The following YPEL2 variants were observed in gnomAD, a reference collection of about 807,000 sequenced individuals.
YPEL2 encodes yippee like 2, also known as protein yippee-like 2.
YPEL2 carries 2 observed loss-of-function variants against 19.1 expected under a neutral mutation model. The ratio of observed to expected loss-of-function variants is 0.10; its 90% confidence interval spans 0.04 to 0.33. The LOEUF (loss-of-function observed/expected upper bound fraction) is 0.33, where lower values mean the gene tolerates loss of function less well. Ranked by LOEUF, YPEL2 falls within the 10% of genes least tolerant of loss-of-function variation. The pLI, the probability that YPEL2 is intolerant of heterozygous loss-of-function variation, is 1.00. For synonymous variants in YPEL2, 52 were observed against 50.0 expected (o/e 1.04, Z -0.17); for missense variants, 66 against 140.7 (o/e 0.47, Z 2.68).
chr17:59,395,732 G>A (rs892602736), intron 4 of YPEL2, among the ~76,000 whole-genome samples: 1 of 152,072 alleles, frequency 6.6e-6, no homozygotes, highest in Admixed American at 6.6e-5. Flanking sequence ...CTGGCCTCAC[G>A]GTATTTTGTT....
Position 59,340,714 on chromosome 17 carries a change from C to T in YPEL2, c.-196+8890C>T, listed in dbSNP as rs545524176. On this transcript the variant is annotated intron_variant, in intron 1 of 4. Coordinates refer to ENST00000312655, the MANE Select transcript of YPEL2 (RefSeq NM_001005404.4). ...ACAGGCGTGAGCCACCGCACCCAGC[C>T]GAACTTTTTTTTTTTTGAAATGGCG... Among the ~76,000 whole-genome samples the T allele has an allele frequency of 2.2e-3, 298 of 137,730 alleles. 2 individuals carry two copies. The highest frequency in any genetic ancestry group is 7.8e-3 in the African/African-American group (286 of 36,582). The allele number at this position is 137,730 out of a possible 152,430, so 90.4% of individuals were successfully genotyped here.
At chr17:59,370,754 G>GGAAGGGACAGAA (rs757102803) in intron 2 of YPEL2, among the ~76,000 whole-genome samples, 5 of 151,892 alleles carry the variant, frequency 3.3e-5, no homozygotes, top group African/African-American at 4.8e-5. Flanking sequence ...GGCACACAGA[G>GGAAGGGACAGAA]GAGGGGCACA....
intron 1 of YPEL2, among the ~76,000 whole-genome samples, chr17:59,343,767 A>G (rs918573280): frequency 6.6e-6 from 1 of 152,170 alleles, no homozygotes; most frequent in African/African-American, 2.4e-5. Flanking sequence ...GTAAGCTACT[A>G]GGAAACCACT....
chr17:59,348,547 G>A (rs1489420724), intron 1 of YPEL2, among the ~76,000 whole-genome samples: 1 of 152,242 alleles, frequency 6.6e-6, no homozygotes, highest in Non-Finnish European at 1.5e-5. Context: ...GTCTCTCGAG[G>A]TGGTGTATCG....
intron 2 of YPEL2, among the ~76,000 whole-genome samples, chr17:59,387,869 G>A (rs2047988657): frequency 6.6e-6 from 1 of 152,092 alleles, no homozygotes; most frequent in Admixed American, 6.5e-5. Context: ...GGATTTTTTT[G>A]CTGCCTTTGG....
intron 1 of YPEL2, among the ~76,000 whole-genome samples, chr17:59,333,269 C>G (rs894902975): frequency 6.6e-6 from 1 of 152,248 alleles, no homozygotes; most frequent in African/African-American, 2.4e-5. Context: ...TTGGCACCAT[C>G]CCCTGTCCCC....
At chr17:59,381,039 G>A (rs962538870) in intron 2 of YPEL2, among the ~76,000 whole-genome samples, 3 of 152,192 alleles carry the variant, frequency 2.0e-5, no homozygotes, top group African/African-American at 4.8e-5. Flanking sequence ...GAGAGGTAGG[G>A]ACTTTTTACT....
intron 2 of YPEL2, among the ~76,000 whole-genome samples, chr17:59,358,779 T>A (rs1405516575): frequency 2.0e-5 from 3 of 152,006 alleles, no homozygotes; most frequent in African/African-American, 7.2e-5. Flanking sequence ...CCAGCTAATT[T>A]TGTATTTTTA....
intron 4 of YPEL2, among the ~76,000 whole-genome samples, chr17:59,389,944 T>C (rs998223360): frequency 1.3e-5 from 2 of 152,176 alleles, no homozygotes; most frequent in African/African-American, 4.8e-5. Context: ...GACGTGACCA[T>C]GTAGTAGTAT....
chr17:59,387,031 C>T (rs962119412), intron 2 of YPEL2, among the ~76,000 whole-genome samples: 10 of 152,010 alleles, frequency 6.6e-5, no homozygotes, highest in African/African-American at 2.2e-4. Context: ...GAGGCCGAGG[C>T]GGGTGGATCA....
chr17:59,385,240 CAT>C (rs1202163647), intron 2 of YPEL2, among the ~76,000 whole-genome samples: 1 of 152,136 alleles, frequency 6.6e-6, no homozygotes, highest in Non-Finnish European at 1.5e-5. Flanking sequence ...CAGACAAACA[CAT>C]ATACACTGTA....
chr17:59,384,772 T>G lies in YPEL2; in HGVS notation c.118-3555T>G, dbSNP rs143932881. 1.3e-3 allele frequency among the ~76,000 whole-genome samples: 201 copies of G among 152,344 alleles called. 1 individual carries two copies. The highest frequency in any genetic ancestry group is 4.5e-3 in the African/African-American group (187 of 41,584). Reference sequence around the variant, plus strand: ...ACCACTGCCCTGGTAAGTCTCACAATGTTGCCTGTCTCCCTGTATTTCTAA... The same window carrying G: ...ACCACTGCCCTGGTAAGTCTCACAAGGTTGCCTGTCTCCCTGTATTTCTAA... On this transcript the variant is annotated intron_variant, in intron 2 of 4. Transcript: ENST00000312655.
chr17:59,351,291 C>G (rs879460590), intron 1 of YPEL2, among the ~76,000 whole-genome samples: 22 of 152,090 alleles, frequency 1.4e-4, no homozygotes, highest in Non-Finnish European at 2.8e-4. Context: ...AGGAGGATTG[C>G]TTGAACCCGG....
At chr17:59,348,504 C>T (rs2047768605) in intron 1 of YPEL2, among the ~76,000 whole-genome samples, 1 of 152,220 alleles carries the variant, frequency 6.6e-6, no homozygotes, top group African/African-American at 2.4e-5. Flanking sequence ...GGGGTGGGGG[C>T]TGGCCAGGTT....
At position 59,397,161 on chromosome 17, in the gene YPEL2, C is replaced by A; in HGVS notation, c.331C>A (p.His111Asn). ...AGGCAAATACATCATTGAACTAGCA[C>A]ACATGATCAAGGACAATGGCTGGGA... ...KEGKYIIELA[H>N]MIKDNGWD Residue 111 changes from histidine (H) to asparagine (N), a missense_variant, in exon 5 of 5, where the codon CAC becomes AAC. Transcript: ENST00000312655. 2 of 1,612,438 alleles carry A rather than the reference C, an allele frequency of 1.2e-6. No individual in the cohort carries two copies. Among genetic ancestry groups the A allele is most frequent in the Non-Finnish European group, 1.7e-6 (2 of 1,179,248 alleles).
intron 4 of YPEL2, among the ~76,000 whole-genome samples, chr17:59,395,068 G>A (rs1057036457): frequency 2.0e-5 from 3 of 152,230 alleles, no homozygotes; most frequent in African/African-American, 7.2e-5. Context: ...CGGCATCAGA[G>A]GGAGACCGTG....
In YPEL2 at chr17:59,395,165, A is replaced by AATGGACCTT. The variant is rs1273214231; in HGVS notation, c.271-1933_271-1925dup. ...CCCCCCAAACACATTACCGTGGAAC[A>AATGGACCTT]ATGGACCTTATTCCCAAAACACATT... On this transcript the variant is annotated intron_variant, in intron 4 of 4. Transcript: ENST00000312655. Among the ~76,000 whole-genome samples the AATGGACCTT allele has an allele frequency of 2.1e-4, 32 of 152,202 alleles. 1 individual carries two copies. The highest frequency in any genetic ancestry group is 1.2e-4 in the Non-Finnish European group (8 of 68,040).
chr17:59,385,951 C>T (rs949325140), intron 2 of YPEL2, among the ~76,000 whole-genome samples: 5 of 152,164 alleles, frequency 3.3e-5, no homozygotes, highest in Non-Finnish European at 7.3e-5. Flanking sequence ...ATGGCGCACA[C>T]CTTCAGGGAG....
intron 4 of YPEL2, among the ~76,000 whole-genome samples, chr17:59,391,878 C>T (rs994981868): frequency 5.3e-5 from 8 of 150,366 alleles, no homozygotes; most frequent in South Asian, 2.1e-4. Context: ...CCAGCCTGGG[C>T]GACAGAGTGA....
Sources: allele counts gnomAD v4.1 joint callset (sites outside exome capture counted in the v4.1 genomes callset), GRCh38; gene constraint gnomAD v4.1.1; transcripts MANE v1.5; gene names NCBI Gene and HGNC (gene_info 2026-07-23, HGNC 2026-07-21).